Variants in ASPRV1 observed in about 807,000 individuals in gnomAD.
ASPRV1 encodes aspartic peptidase retroviral like 1, also known as retroviral-like aspartic protease 1.
A neutral mutation model predicts 11.0 loss-of-function variants in ASPRV1; 7 were observed. The observed-to-expected ratio is 0.64, with a 90% CI of 0.36 to 1.20. The LOEUF is 1.20. Among genes scored for constraint, ASPRV1 ranks in the 50% most tolerant of loss-of-function variants. ASPRV1 has a pLI of 0.02. For synonymous variants in ASPRV1, 136 were observed against 138.4 expected, an observed-to-expected ratio of 0.98 and a Z score of 0.12; for missense variants, 299 against 320.0, an observed-to-expected ratio of 0.93 and a Z score of 0.50.
chr2:70,022,928 G>A, the ASPRV1 span, among the ~76,000 whole-genome samples: 2 of 152,156 alleles, frequency 1.3e-5, 1 homozygote. Context: ...TGCTGATACA[G>A]GACATCCATT....
the ASPRV1 span, among the ~76,000 whole-genome samples, chr2:69,977,717 T>G: frequency 6.6e-6 from 1 of 152,206 alleles, no homozygotes; most frequent in African/African-American, 2.4e-5. Flanking sequence ...ATAACCCCAA[T>G]TCTGGTTTCA....
chr2:70,063,845 ATTAT>A, the ASPRV1 span: 1 of 152,220 alleles, frequency 6.6e-6, no homozygotes, highest in Non-Finnish European at 1.5e-5. Context: ...AATCCCCAAG[ATTAT>A]TTATGACTCT....
At chr2:69,987,402 T>C in the ASPRV1 span, among the ~76,000 whole-genome samples, 55 of 152,034 alleles carry the variant, frequency 3.6e-4, no homozygotes, top group African/African-American at 1.3e-3. Context: ...CCCATTCCTC[T>C]GGGCCTCTTG....
chr2:70,013,996 T>C, the ASPRV1 span, among the ~76,000 whole-genome samples: 3 of 152,382 alleles, frequency 2.0e-5, no homozygotes, highest in South Asian at 2.1e-4. Flanking sequence ...CTAATTTTAA[T>C]GTTTATCATA....
At chr2:70,064,211 GA>G in the ASPRV1 span, among the ~76,000 whole-genome samples, 1 of 152,178 alleles carries the variant, frequency 6.6e-6, no homozygotes, top group African/African-American at 2.4e-5. Context: ...TAGGAAGAAT[GA>G]CAATGAACCA....
At chr2:70,022,629 G>C in the ASPRV1 span, among the ~76,000 whole-genome samples, 1 of 152,068 alleles carries the variant, frequency 6.6e-6, no homozygotes, top group African/African-American at 2.4e-5. Context: ...GGTCAAGGCT[G>C]CAGTGAGCTG....
the ASPRV1 span, among the ~76,000 whole-genome samples, chr2:70,076,978 T>A: frequency 1.3e-5 from 2 of 152,204 alleles, no homozygotes; most frequent in Admixed American, 1.3e-4. Context: ...TCAGGGACTA[T>A]CCGTACAAAT....
At chr2:70,080,214 C>T in the ASPRV1 span, among the ~76,000 whole-genome samples, 1 of 148,140 alleles carries the variant, frequency 6.8e-6, no homozygotes, top group Admixed American at 6.8e-5. Flanking sequence ...AAGGAGTAGG[C>T]TGTGCCCTGC....
At chr2:70,063,270 G>C in the ASPRV1 span, among the ~76,000 whole-genome samples, 1 of 152,126 alleles carries the variant, frequency 6.6e-6, no homozygotes, top group Non-Finnish European at 1.5e-5. Context: ...TAAGAGCCAG[G>C]TCAGAAACCT....
At chr2:70,079,208 C>T in the ASPRV1 span, among the ~76,000 whole-genome samples, 1 of 152,032 alleles carries the variant, frequency 6.6e-6, no homozygotes, top group Non-Finnish European at 1.5e-5. Context: ...CAGGGAAAGA[C>T]ATTCAAGCTA....
chr2:70,085,631 AAAAGAG>A, the ASPRV1 span: 1 of 138,192 alleles, frequency 7.2e-6, no homozygotes, highest in African/African-American at 3.2e-5. Flanking sequence ...TCCTCTGTTT[AAAAGAG>A]AGAGAGAGAG....
the ASPRV1 span, among the ~76,000 whole-genome samples, chr2:69,989,107 G>A: frequency 6.6e-6 from 1 of 152,196 alleles, no homozygotes; most frequent in South Asian, 2.1e-4. Context: ...AGGGGATAGG[G>A]CCCAGAGGGC....
At chr2:70,019,664 G>A in the ASPRV1 span, among the ~76,000 whole-genome samples, 3 of 152,156 alleles carry the variant, frequency 2.0e-5, no homozygotes, top group Non-Finnish European at 4.4e-5. Context: ...GCCAGGTACA[G>A]AAAGACAAGT....
At chr2:70,054,721 T>C in the ASPRV1 span, among the ~76,000 whole-genome samples, 1 of 152,202 alleles carries the variant, frequency 6.6e-6, no homozygotes, top group Non-Finnish European at 1.5e-5. Context: ...TCCTGGTATA[T>C]ACAGCTATCT....
the ASPRV1 span, among the ~76,000 whole-genome samples, chr2:70,043,420 A>AT: frequency 6.6e-6 from 1 of 150,640 alleles, no homozygotes; most frequent in African/African-American, 2.5e-5. Context: ...AGAGTCTCGC[A>AT]TTTAAAAAAA....
the ASPRV1 span, among the ~76,000 whole-genome samples, chr2:69,995,155 G>A: frequency 6.6e-6 from 1 of 151,826 alleles, no homozygotes; most frequent in Non-Finnish European, 1.5e-5. Flanking sequence ...GGAGGCCGAG[G>A]CAGGCAGATC....
At chr2:69,951,446 AGTGTGTGTGT>A in the ASPRV1 span, among the ~76,000 whole-genome samples, 175 of 107,346 alleles carry the variant, frequency 1.6e-3, 1 homozygote, top group Non-Finnish European at 2.7e-3. Context: ...AAAAAAAGTG[AGTGTGTGTGT>A]GTGTGTGTGT....
chr2:70,008,817 C>G, the ASPRV1 span, among the ~76,000 whole-genome samples: 1 of 152,168 alleles, frequency 6.6e-6, no homozygotes, highest in Non-Finnish European at 1.5e-5. Context: ...CTGGGGAGGA[C>G]AGGGCTAAAA....
chr2:69,982,138 T>A, the ASPRV1 span, among the ~76,000 whole-genome samples: 1 of 152,062 alleles, frequency 6.6e-6, no homozygotes, highest in Non-Finnish European at 1.5e-5. Context: ...ACAACAAGGA[T>A]CTACTCTTCA....
Sources: allele counts gnomAD v4.1 joint callset (sites outside exome capture counted in the v4.1 genomes callset), GRCh38; gene constraint gnomAD v4.1.1; transcripts MANE v1.5; gene names NCBI Gene and HGNC (gene_info 2026-07-23, HGNC 2026-07-21).